Variants in ARHGAP12 observed in about 807,000 individuals in gnomAD.
ARHGAP12 encodes Rho GTPase activating protein 12, also known as rho GTPase-activating protein 12.
ARHGAP12 carries 64 observed loss-of-function variants against 108.6 expected under a neutral mutation model. That is an observed-to-expected ratio of 0.59 (90% CI 0.48 to 0.73). The LOEUF is 0.73. ARHGAP12 is among the 30% of genes least tolerant of loss of function. The pLI, the probability that ARHGAP12 is intolerant of heterozygous loss-of-function variation, is 0.00. For missense variants in ARHGAP12, 940 were observed against 1,005.9 expected (o/e 0.93, Z 0.89); for synonymous variants, 312 against 337.2 (o/e 0.93, Z 0.82).
At chr10:31,870,778 C>T (rs1837510489) in intron 3 of ARHGAP12, among the ~76,000 whole-genome samples, 1 of 152,098 alleles carries the variant, frequency 6.6e-6, no homozygotes, top group African/African-American at 2.4e-5. Context: ...AAAACATATA[C>T]CACCCTTTGT....
chr10:31,814,049 C>T (rs1409461647), intron 14 of ARHGAP12, among the ~76,000 whole-genome samples: 2 of 152,144 alleles, frequency 1.3e-5, no homozygotes, highest in Non-Finnish European at 2.9e-5. Flanking sequence ...TAATGTGATG[C>T]CACAGGATGC....
chr10:31,887,541 T>G (rs1201254411), intron 3 of ARHGAP12, among the ~76,000 whole-genome samples: 1 of 152,222 alleles, frequency 6.6e-6, no homozygotes, highest in African/African-American at 2.4e-5. Context: ...AAAGGGTTGT[T>G]TGGCAAAGAT....
chr10:31,918,597 C>T (rs1039142490), intron 1 of ARHGAP12, among the ~76,000 whole-genome samples: 19 of 152,130 alleles, frequency 1.2e-4, no homozygotes, highest in African/African-American at 3.6e-4. Context: ...GCCCTAGCTA[C>T]GCAGTAGGCT....
In ARHGAP12 at chr10:31,850,888, T is replaced by C. The variant is rs371195949; in HGVS notation, c.1170+1629A>G. The stretch of plus-strand genomic sequence containing the variant: ...TTCTAAAAGTATAAATTAATAATAA[T>C]GAAAATGAAAAATATCCACAAATGT... On this transcript the variant is annotated intron_variant, in intron 6 of 19. Transcript: ENST00000344936. Among the ~76,000 whole-genome samples, 27 of 152,238 alleles carry C rather than the reference T, an allele frequency of 1.8e-4. No homozygotes were observed. In the East Asian group the frequency reaches 2.3e-3, roughly 13 times the overall value.
At chr10:31,841,584 GTACCATGT>G (rs2132233764) in intron 7 of ARHGAP12, among the ~76,000 whole-genome samples, 1 of 152,244 alleles carries the variant, frequency 6.6e-6, no homozygotes, top group East Asian at 1.9e-4. Flanking sequence ...ATTCTACAGT[GTACCATGT>G]TACTGAATGA....
At chr10:31,809,858 C>A (rs1419830947) in intron 16 of ARHGAP12, among the ~76,000 whole-genome samples, 1 of 152,058 alleles carries the variant, frequency 6.6e-6, no homozygotes, top group Non-Finnish European at 1.5e-5. Context: ...GAAATTCATA[C>A]AATTAAGCCC....
intron 5 of ARHGAP12, 92 bp downstream of exon 5, chr10:31,853,973 GT>G: frequency 3.8e-6 from 5 of 1,301,572 alleles, no homozygotes; most frequent in Non-Finnish European, 5.2e-6. Flanking sequence ...ATTTTCATGA[GT>G]TTTTTCTTTT....
intron 1 of ARHGAP12, among the ~76,000 whole-genome samples, chr10:31,921,219 C>T (rs570394479): frequency 6.6e-6 from 1 of 152,110 alleles, no homozygotes; most frequent in South Asian, 2.1e-4. Context: ...CCCAGGAAGT[C>T]AAGGCTGCAG....
intron 12 of ARHGAP12, among the ~76,000 whole-genome samples, chr10:31,818,166 C>T (rs1835277986): frequency 6.6e-6 from 1 of 152,126 alleles, no homozygotes; most frequent in Non-Finnish European, 1.5e-5. Context: ...TGCCATAAAA[C>T]CTGCTGAAAC....
chr10:31,893,879 C>T (rs990148370), intron 3 of ARHGAP12, among the ~76,000 whole-genome samples: 3 of 152,182 alleles, frequency 2.0e-5, no homozygotes, highest in African/African-American at 4.8e-5. Context: ...TCCAGCAGCA[C>T]ATCAAAAAGC....
Position 31,814,379 on chromosome 10 carries a change from C to T in ARHGAP12, c.1732-18G>A. ...TCTACTGCCTATTGGTTAGATATTT[C>T]CCAAACACATATTACACTTCTAGTA... On this transcript the variant is annotated intron_variant, in intron 13 of 19. Transcript: ENST00000344936. 1 of 1,557,356 alleles carries T rather than the reference C, an allele frequency of 6.4e-7. No individual in the cohort carries two copies. The highest frequency in any genetic ancestry group is 8.9e-7 in the Non-Finnish European group (1 of 1,128,836).
chr10:31,921,042 G>A (rs138790399), intron 1 of ARHGAP12, among the ~76,000 whole-genome samples: 266 of 152,038 alleles, frequency 1.7e-3, no homozygotes, highest in African/African-American at 5.8e-3. Flanking sequence ...TTTGGGAGTC[G>A]GAGGTGGGAG....
rs1835357117 is a variant in ARHGAP12 at position 31,820,306 on chromosome 10, T to C, written c.1632+81A>G. ...GCCTTAACTAGTCACAATGAAAGAC[T>C]ATTTCCCAAAATAGCTCAAAAAACA... is the stretch of plus-strand genomic sequence containing the variant. On this transcript the variant is annotated intron_variant, in intron 12 of 19. Transcript: ENST00000344936. 3.5e-6 allele frequency: 4 copies of C among 1,144,558 alleles called. No individual in the cohort carries two copies. In the South Asian group the frequency reaches 5.2e-5, roughly 15 times the overall value. 70.9% of individuals were successfully genotyped at this position (1,144,558 alleles called of 1,614,324 possible). A position where few individuals can be genotyped will look rare whatever the true frequency, so the allele number is the denominator to read the frequency against.
chr10:31,924,969 A>G (rs1157995449), intron 1 of ARHGAP12, among the ~76,000 whole-genome samples: 1 of 152,202 alleles, frequency 6.6e-6, no homozygotes, highest in Non-Finnish European at 1.5e-5. Flanking sequence ...GAGTAGAAAA[A>G]TAGTCACAAA....
chr10:31,924,782 G>C (rs1839961486), intron 1 of ARHGAP12, among the ~76,000 whole-genome samples: 1 of 152,002 alleles, frequency 6.6e-6, no homozygotes, highest in South Asian at 2.1e-4. Flanking sequence ...TTAAATCTAG[G>C]CTTTACCATT....
chr10:31,904,241 A>G (rs1316766196), intron 3 of ARHGAP12, among the ~76,000 whole-genome samples: 1 of 152,210 alleles, frequency 6.6e-6, no homozygotes, highest in Non-Finnish European at 1.5e-5. Context: ...GGTTAAATAA[A>G]CTATGGTACA....
chr10:31,853,317 C>T (rs1332389220), intron 5 of ARHGAP12, among the ~76,000 whole-genome samples: 1 of 152,108 alleles, frequency 6.6e-6, no homozygotes, highest in African/African-American at 2.4e-5. Context: ...TCATGCAAAC[C>T]TTTAGGAATT....
rs909017557 is a variant in ARHGAP12 at position 31,817,996 on chromosome 10, A to G, written c.1633-110T>C. The G allele has an allele frequency of 6.8e-6, 5 of 739,200 alleles. No individual in the cohort carries two copies. In the African/African-American group the frequency reaches 7.2e-5, roughly 11 times the overall value. The allele number at this position is 739,200 out of a possible 1,614,324, so 45.8% of individuals were successfully genotyped here. On this transcript the variant is annotated intron_variant, in intron 12 of 19. Transcript: ENST00000344936. ...CAAAACCACCAAGAGTAGCTGCCAT[A>G]TATTATGTAACAATGATGCAAGGTT...
rs1290068364 is a variant in ARHGAP12 at position 31,864,621 on chromosome 10, T to C, written c.685-2963A>G. Among the ~76,000 whole-genome samples the C allele has an allele frequency of 4.6e-5, 7 of 152,272 alleles. No homozygotes were observed. The East Asian group carries it at 1.3e-3, about 29-fold the overall frequency. On this transcript the variant is annotated intron_variant, in intron 3 of 19. Coordinates refer to ENST00000344936, the MANE Select transcript of ARHGAP12 (RefSeq NM_018287.7). ...AAACACGAACAAAAGTATGCAAACA[T>C]GTATCTCCTCCAAAAAAGGAAAATT... is the stretch of plus-strand genomic sequence containing the variant.
Sources: gnomAD v4.1 joint callset for allele counts (sites outside exome capture counted in the v4.1 genomes callset) on GRCh38, gnomAD v4.1.1 for gene constraint, MANE v1.5 for transcripts, NCBI Gene and HGNC (gene_info 2026-07-23, HGNC 2026-07-21) for gene names.